The following RETREG1 variants were observed in gnomAD, a reference collection of about 807,000 sequenced individuals.
The protein encoded by RETREG1 is family with sequence similarity 134 member B.
RETREG1 carries 44 observed loss-of-function variants against 54.8 expected under a neutral mutation model. The observed-to-expected ratio is 0.80, with a 90% CI of 0.63 to 1.03. RETREG1 has a LOEUF of 1.03. Ranked by LOEUF, RETREG1 falls within the 50% of genes least tolerant of loss-of-function variation. RETREG1 has a pLI of 0.00. For synonymous variants in RETREG1, 217 were observed against 238.5 expected (o/e 0.91, Z 0.83); for missense variants, 554 against 605.1 (o/e 0.92, Z 0.89).
rs1474110048 is a variant in RETREG1, at chr5:16,561,113, C to A, written c.458+4650G>T. On this transcript the variant is annotated intron_variant, in intron 3 of 8. Coordinates refer to ENST00000306320, the MANE Select transcript of RETREG1 (RefSeq NM_001034850.3). The surrounding 1 kb of genome is among the most constrained non-coding windows in gnomAD (Gnocchi z 4.2). ...CGAAAGAGAAGTGAAGTTGGCAGGA[C>A]CACGAGCTGCAGGGTTGGGACCAGA... 6.6e-6 allele frequency among the ~76,000 whole-genome samples: 1 copy of A among 152,126 alleles called. No individual in the cohort carries two copies. Among genetic ancestry groups the A allele is most frequent in the Non-Finnish European group, 1.5e-5 (1 of 68,034 alleles).
intron 1 of RETREG1, among the ~76,000 whole-genome samples, chr5:16,577,497 A>G (rs377560660): frequency 2.0e-5 from 3 of 152,188 alleles, no homozygotes; most frequent in African/African-American, 7.2e-5. Flanking sequence ...TCACAGTTAT[A>G]ACGAGAAACT....
intron 1 of RETREG1, among the ~76,000 whole-genome samples, chr5:16,595,230 C>G (rs1177281084): frequency 6.6e-6 from 1 of 152,102 alleles, no homozygotes; most frequent in Non-Finnish European, 1.5e-5. Context: ...CTTTAATAGT[C>G]CTTGTTTTTA....
chr5:16,503,851 G>A (rs572838626), intron 3 of RETREG1, among the ~76,000 whole-genome samples: 1 of 152,166 alleles, frequency 6.6e-6, no homozygotes, highest in South Asian at 2.1e-4. Flanking sequence ...TGCAGGCTCA[G>A]GAGAGCCAAT....
chr5:16,611,415 C>G (rs2126377104), intron 1 of RETREG1, among the ~76,000 whole-genome samples: 1 of 152,182 alleles, frequency 6.6e-6, no homozygotes, highest in Middle Eastern at 3.4e-3. Flanking sequence ...AAAATCACAT[C>G]AGAGACGCTT....
At chr5:16,550,453 A>C (rs1161227445) in intron 3 of RETREG1, among the ~76,000 whole-genome samples, 1 of 152,108 alleles carries the variant, frequency 6.6e-6, no homozygotes, top group Non-Finnish European at 1.5e-5. Flanking sequence ...TCAATTTTCC[A>C]ATATTTATGG....
chr5:16,608,937 G>A (rs754039797), intron 1 of RETREG1, among the ~76,000 whole-genome samples: 1 of 152,118 alleles, frequency 6.6e-6, no homozygotes, highest in African/African-American at 2.4e-5. Flanking sequence ...AGAGAGATGG[G>A]GTAGAAAAAT....
chr5:16,502,106 G>A (rs1002183599), intron 3 of RETREG1, among the ~76,000 whole-genome samples: 7 of 151,750 alleles, frequency 4.6e-5, no homozygotes, highest in East Asian at 3.9e-4. Flanking sequence ...ACAGGCGCCC[G>A]CCACCACGCC....
At chr5:16,575,998 T>G (rs1252927919) in intron 1 of RETREG1, among the ~76,000 whole-genome samples, 1 of 152,224 alleles carries the variant, frequency 6.6e-6, no homozygotes, top group Admixed American at 6.5e-5. Context: ...AGTTTATTCT[T>G]TAGTTTATTC....
intron 1 of RETREG1, among the ~76,000 whole-genome samples, chr5:16,577,036 C>T (rs1335655392): frequency 2.2e-5 from 2 of 92,032 alleles, no homozygotes; most frequent in Non-Finnish European, 5.5e-5. Flanking sequence ...TTTGTGTGCA[C>T]GCACACACAC....
At chr5:16,564,590 C>T (rs1741956963) in intron 3 of RETREG1, among the ~76,000 whole-genome samples, 1 of 152,212 alleles carries the variant, frequency 6.6e-6, no homozygotes, top group Admixed American at 6.5e-5. Context: ...GCACACAGAT[C>T]AGAGCACAGG....
chr5:16,484,053 A>G (rs745406401), intron 3 of RETREG1, among the ~76,000 whole-genome samples: 4 of 152,172 alleles, frequency 2.6e-5, no homozygotes, highest in Non-Finnish European at 4.4e-5. Context: ...TGTATTTTCA[A>G]TATATACCAT....
chr5:16,499,773 T>C (rs187035587), intron 3 of RETREG1, among the ~76,000 whole-genome samples: 5 of 152,368 alleles, frequency 3.3e-5, no homozygotes, highest in Non-Finnish European at 5.9e-5. Context: ...GTTGGGGACA[T>C]AGCAACCCTT....
intron 1 of RETREG1, among the ~76,000 whole-genome samples, chr5:16,596,577 G>A (rs891518882): frequency 1.3e-5 from 2 of 152,330 alleles, no homozygotes; most frequent in Middle Eastern, 3.4e-3. Context: ...TTGTCCTGCT[G>A]AGACCAAAGT....
At chr5:16,590,282 C>T (rs1265159210) in intron 1 of RETREG1, among the ~76,000 whole-genome samples, 1 of 152,212 alleles carries the variant, frequency 6.6e-6, no homozygotes, top group Non-Finnish European at 1.5e-5. Context: ...GGAGACCACA[C>T]ACCTTGACAC....
At chr5:16,598,647 A>G (rs1405679996) in intron 1 of RETREG1, among the ~76,000 whole-genome samples, 1 of 152,196 alleles carries the variant, frequency 6.6e-6, no homozygotes, top group African/African-American at 2.4e-5. Context: ...CCTGTTACTC[A>G]TATTTGTCAT....
chr5:16,501,892 C>G (rs1195826337), intron 3 of RETREG1, among the ~76,000 whole-genome samples: 1 of 151,074 alleles, frequency 6.6e-6, no homozygotes, highest in Non-Finnish European at 1.5e-5. Context: ...ATGGCAAGTA[C>G]TACCAGAGAT....
intron 1 of RETREG1, among the ~76,000 whole-genome samples, chr5:16,580,464 T>C (rs1468877088): frequency 6.6e-6 from 1 of 152,246 alleles, no homozygotes; most frequent in Non-Finnish European, 1.5e-5. Flanking sequence ...CTTTAAAGTA[T>C]GTAATAGTTC....
At chr5:16,530,042 C>T (rs1202102726) in intron 3 of RETREG1, among the ~76,000 whole-genome samples, 2 of 152,238 alleles carry the variant, frequency 1.3e-5, no homozygotes, top group Admixed American at 6.5e-5. Flanking sequence ...TTTCCCCGCT[C>T]TTCACTCTTA....
In RETREG1 at chr5:16,527,723, T is replaced by C. The variant is rs114721335; in HGVS notation, c.458+38040A>G. Among the ~76,000 whole-genome samples, 937 of 150,466 alleles carry C rather than the reference T, an allele frequency of 6.2e-3. 13 individuals carry two copies. The highest frequency in any genetic ancestry group is 0.021 in the African/African-American group (874 of 41,112). On this transcript the variant is annotated intron_variant, in intron 3 of 8. Transcript: ENST00000306320. ...CAAAAGTTTCTTCAAAAAGTTTTAA[T>C]AATATAGTAAGTGGTTGTGTGATGA...
Sources: gnomAD v4.1 joint callset for allele counts (sites outside exome capture counted in the v4.1 genomes callset) on GRCh38, gnomAD v4.1.1 for gene constraint, Gnocchi (gnomAD v3.1) non-coding constraint, MANE v1.5 for transcripts, NCBI Gene and HGNC (gene_info 2026-07-23, HGNC 2026-07-21) for gene names.